Variants in ATG2B observed in about 807,000 individuals in gnomAD.
The protein encoded by ATG2B is autophagy related 2B.
Under a neutral mutation model 241.3 loss-of-function variants are expected in ATG2B, and 121 were observed. The observed-to-expected ratio is 0.50, with a 90% confidence interval of 0.43 to 0.58. The LOEUF is 0.58. Among genes scored for constraint, ATG2B ranks in the 20% least tolerant of loss-of-function variants. The pLI, the probability that ATG2B is intolerant of heterozygous loss-of-function variation, is 0.00. For synonymous variants in ATG2B, 858 were observed against 876.6 expected, an observed-to-expected ratio of 0.98 and a Z score of 0.37; for missense variants, 2,306 against 2,491.6, an observed-to-expected ratio of 0.93 and a Z score of 1.59.
chr14:96,323,791 G>C, intron 16 of ATG2B, 105 bp downstream of exon 16: 1 of 769,284 alleles, frequency 1.3e-6, no homozygotes, highest in South Asian at 1.6e-5. Flanking sequence ...AAAGAATCAA[G>C]GATGGACATG....
At position 96,285,698 on chromosome 14, in the gene ATG2B, A is replaced by C; in HGVS notation, c.*57T>G. ...ACGAGCTTCCTCTGAAGCTGCTGTC[A>C]GGACTCTGAGCTCCTGGTTCCACTC... On this transcript the variant is annotated 3_prime_UTR_variant, in exon 42 of 42. Coordinates refer to ENST00000359933, the MANE Select transcript of ATG2B (RefSeq NM_018036.7). This position sits in a 1 kb window ranked among gnomAD's most constrained non-coding sequence, Gnocchi z 4.2. 6.6e-7 allele frequency: 1 copy of C among 1,514,774 alleles called. No individual in the cohort carries two copies. The highest frequency in any genetic ancestry group is 9.1e-7 in the Non-Finnish European group (1 of 1,094,328). The allele number at this position is 1,514,774 out of a possible 1,614,324, so 93.8% of individuals were successfully genotyped here.
Position 96,325,916 on chromosome 14 carries a change from C to G in ATG2B, c.2170G>C (p.Ala724Pro), listed in dbSNP as rs767464290. The change falls in exon 15 of 42, where the codon GCT becomes CCT. Residue 724 changes from alanine to proline, a missense_variant. Coordinates refer to ENST00000359933, the MANE Select transcript of ATG2B (RefSeq NM_018036.7). ...SYNKHISLHKAFTEVFLDDSH... is the reference protein window; with the variant it reads ...SYNKHISLHKPFTEVFLDDSH... ...TCATCTAGAAACACTTCAGTGAAAG[C>G]CTTGTGCTAAAACACAAAACATCAA... 1 of 1,609,662 alleles carries G rather than the reference C, an allele frequency of 6.2e-7. No individual in the cohort carries two copies. Among genetic ancestry groups the G allele is most frequent in the Non-Finnish European group, 8.5e-7 (1 of 1,178,260 alleles).
At chr14:96,335,572 A>C (rs1476066171) in intron 6 of ATG2B, among the ~76,000 whole-genome samples, 1 of 152,150 alleles carries the variant, frequency 6.6e-6, no homozygotes, top group African/African-American at 2.4e-5. Flanking sequence ...GAATTGCACA[A>C]GGCCCATGTA....
rs1491275020 is a variant in ATG2B at position 96,308,283 on chromosome 14, T to TATA, written c.4303+1169_4303+1170insTAT. Among the ~76,000 whole-genome samples, 124 of 30,206 alleles carry TATA rather than the reference T, an allele frequency of 4.1e-3. 1 individual carries two copies. The highest frequency in any genetic ancestry group is 0.012 in the African/African-American group (92 of 7,904). The allele number at this position is 30,206 out of a possible 152,430, so 19.8% of individuals were successfully genotyped here. On this transcript the variant is annotated intron_variant, in intron 29 of 41. Transcript: ENST00000359933. ...ATATATATATATATATATATATATA[T>TATA]TTTTTTTTTTTTTTTTTTTGAGACA...
At chr14:96,333,479 C>A (rs558984405) in intron 8 of ATG2B, among the ~76,000 whole-genome samples, 8 of 152,070 alleles carry the variant, frequency 5.3e-5, no homozygotes, top group African/African-American at 1.7e-4. Flanking sequence ...CAATCAAAAT[C>A]AAAAAAATAT....
In ATG2B at chr14:96,279,351, G is replaced by C. The variant is rs867368278; in HGVS notation, c.*6404C>G. ...TGGGCAAAGAATTTCCCCTCTCCGG[G>C]CTTCGATTTCCTCACCTGCAGACAG... On this transcript the variant is annotated 3_prime_UTR_variant, in exon 42 of 42. Coordinates refer to ENST00000359933, the MANE Select transcript of ATG2B (RefSeq NM_018036.7). The C allele has an allele frequency of 6.6e-6, 1 of 152,100 alleles. No individual in the cohort carries two copies. Among genetic ancestry groups the C allele is most frequent in the Non-Finnish European group, 1.5e-5 (1 of 68,044 alleles). The allele number at this position is 152,100 out of a possible 1,614,324, so 9.4% of individuals were successfully genotyped here. A position where few individuals can be genotyped will look rare whatever the true frequency, so the allele number is the denominator to read the frequency against.
At chr14:96,292,006 G>C (rs1364437068) in intron 37 of ATG2B, 23 bp downstream of exon 37, 1 of 1,500,336 alleles carries the variant, frequency 6.7e-7, no homozygotes, top group Non-Finnish European at 9.1e-7. Flanking sequence ...ATTTTGTGGA[G>C]TATATTTGTA....
chr14:96,319,907 C>A (rs752513438), intron 18 of ATG2B, among the ~76,000 whole-genome samples: 5 of 151,962 alleles, frequency 3.3e-5, no homozygotes, highest in Admixed American at 6.6e-5. Flanking sequence ...AGGATGCAAA[C>A]CCTGAGGAAG....
Position 96,303,253 on chromosome 14 carries a change from C to A in ATG2B, c.4845G>T (p.Val1615=), listed in dbSNP as rs1171257964. ...GCGGGTAGACTTCATGCTGAAACTTCACCTTAACGGGTAAGGAGGAAGAAC... is the reference window on the plus strand; with the variant it reads ...GCGGGTAGACTTCATGCTGAAACTTAACCTTAACGGGTAAGGAGGAAGAAC... ...DFLMEIQLSK[V]KFQHEVYPPC... The change falls in exon 33 of 42, where the codon GTG becomes GTT. Residue 1615 remains valine (V), a splice_region_variant and synonymous_variant. Coordinates refer to ENST00000359933, the MANE Select transcript of ATG2B (RefSeq NM_018036.7). 2 of 1,562,152 alleles carry A rather than the reference C, an allele frequency of 1.3e-6. No individual in the cohort carries two copies. The highest frequency in any genetic ancestry group is 4.7e-5 in the East Asian group (2 of 42,832).
chr14:96,297,709 C>T (rs1213239244), intron 34 of ATG2B, among the ~76,000 whole-genome samples: 1 of 151,994 alleles, frequency 6.6e-6, no homozygotes, highest in African/African-American at 2.4e-5. Flanking sequence ...TAATCACTAG[C>T]TTTTTAAAAT....
In ATG2B at chr14:96,336,600, T is replaced by C. The variant is rs567806328; in HGVS notation, c.925-2099A>G. Among the ~76,000 whole-genome samples, 3 of 152,260 alleles carry C rather than the reference T, an allele frequency of 2.0e-5. No individual in the cohort carries two copies. In the South Asian group the frequency reaches 6.2e-4, roughly 32 times the overall value. On this transcript the variant is annotated intron_variant, in intron 6 of 41. Transcript: ENST00000359933. ...AAAGACATTTGTACAAATCAACACA[T>C]CATGTACAAAAGTTTGGGTTTACAT...
At chr14:96,313,620 AAAG>A (rs1407250187) in intron 23 of ATG2B, among the ~76,000 whole-genome samples, 185 bp from the exon 24 acceptor site, 1 of 152,178 alleles carries the variant, frequency 6.6e-6, no homozygotes, top group Non-Finnish European at 1.5e-5. Context: ...TTGCATCAGA[AAAG>A]AAGGTAATGG....
chr14:96,322,498 GAAT>G, intron 17 of ATG2B, 39 bp downstream of exon 17: 2 of 1,555,156 alleles, frequency 1.3e-6, no homozygotes, highest in Non-Finnish European at 1.7e-6. Context: ...CTATGACAGA[GAAT>G]AATAGTATTA....
chr14:96,336,470 C>T (rs1887870964), intron 6 of ATG2B, among the ~76,000 whole-genome samples: 1 of 152,154 alleles, frequency 6.6e-6, no homozygotes, highest in Non-Finnish European at 1.5e-5. Context: ...CACACAATGC[C>T]ACTACGCAGT....
intron 6 of ATG2B, among the ~76,000 whole-genome samples, chr14:96,339,271 A>AGTGTGTGT (rs34822684): frequency 2.7e-5 from 4 of 147,564 alleles, no homozygotes; most frequent in African/African-American, 9.9e-5. Context: ...GCAATTCCAC[A>AGTGTGTGT]GTGTGTGTGT....
chr14:96,312,215 C>T, intron 25 of ATG2B, 56 bp from the exon 26 acceptor site: 1 of 1,204,870 alleles, frequency 8.3e-7, no homozygotes, highest in South Asian at 1.3e-5. Flanking sequence ...AGTATCATAC[C>T]CCATAATCAC....
Position 96,362,912 on chromosome 14 carries a change from A to G in ATG2B, c.65T>C (p.Leu22Pro). Residue 22 changes from leucine to proline, a missense_variant, in exon 1 of 42, where the codon CTG (leucine) becomes CCG (proline). By Grantham distance (98) the Leu-to-Pro change is moderately conservative. Coordinates refer to ENST00000359933, the MANE Select transcript of ATG2B (RefSeq NM_018036.7). The part of the protein sequence containing the change: ...RACRYLLQRY[L>P]GHFLQEKLSL... Reference sequence around the variant, plus strand: ...CAGCTTCTCCTGCAGAAAGTGGCCCAGGTACCTCTGCAGGAGGTACCGGCA... The same window carrying G: ...CAGCTTCTCCTGCAGAAAGTGGCCCGGGTACCTCTGCAGGAGGTACCGGCA... 1 of 1,613,684 alleles carries G rather than the reference A, an allele frequency of 6.2e-7. No homozygotes were observed. Among genetic ancestry groups the G allele is most frequent in the African/African-American group, 1.3e-5 (1 of 75,064 alleles).
At chr14:96,326,588 CT>C (rs1887593617) in intron 14 of ATG2B, among the ~76,000 whole-genome samples, 1 of 152,124 alleles carries the variant, frequency 6.6e-6, no homozygotes, top group Middle Eastern at 3.2e-3. Context: ...AAATAGAAAT[CT>C]ATTTCTATTT....
chr14:96,325,727 G>C lies in ATG2B; in HGVS notation c.2359C>G (p.Leu787Val). The C allele has an allele frequency of 6.2e-7, 1 of 1,613,748 alleles. No individual in the cohort carries two copies. The highest frequency in any genetic ancestry group is 1.1e-5 in the South Asian group (1 of 91,064). The change falls in exon 15 of 42, where the codon CTA becomes GTA. Residue 787 changes from leucine to valine, a missense_variant. This residue lies in a region of ATG2B where 1,927 missense variants were observed against 2,011.2 expected (regional missense o/e 0.96). Coordinates refer to ENST00000359933, the MANE Select transcript of ATG2B (RefSeq NM_018036.7). The part of the protein sequence containing the change: ...KEILYLAFTD[L>V]EFKTEFIGGS... ...CCTATAAATTCAGTCTTAAATTCTA[G>C]ATCTGTGAAGGCTAAATAAAGGATC...
Sources: allele counts gnomAD v4.1 joint callset (sites outside exome capture counted in the v4.1 genomes callset), GRCh38; gene constraint gnomAD v4.1.1; regional missense constraint gnomAD v4.1.1; non-coding constraint Gnocchi (gnomAD v3.1); transcripts MANE v1.5; gene names NCBI Gene and HGNC (gene_info 2026-07-23, HGNC 2026-07-21).